NRXN3: variants seen among roughly 807,000 people sequenced by gnomAD.
NRXN3 encodes the protein neurexin 3, also known as neurexin III.
NRXN3 carries 32 observed loss-of-function variants against 137.6 expected under a neutral mutation model. That is an observed-to-expected ratio of 0.23 (90% CI 0.18 to 0.31). The LOEUF (loss-of-function observed/expected upper bound fraction) is 0.31, where lower values mean the gene tolerates loss of function less well. Ranked by LOEUF, NRXN3 falls within the 10% of genes least tolerant of loss-of-function variation. NRXN3 has a pLI of 1.00. For synonymous variants in NRXN3, 798 were observed against 784.5 expected, an observed-to-expected ratio of 1.02 and a Z score of -0.29; for missense variants, 1,574 against 2,062.5, an observed-to-expected ratio of 0.76 and a Z score of 4.59.
At chr14:78,548,163 A>C (rs1279456799) in intron 4 of NRXN3, among the ~76,000 whole-genome samples, 1 of 152,210 alleles carries the variant, frequency 6.6e-6, no homozygotes, top group Admixed American at 6.5e-5. Context: ...AGGTAAAACT[A>C]TCTCTTTTTG....
At chr14:78,828,170 G>A (rs181721545) in intron 10 of NRXN3, among the ~76,000 whole-genome samples, 1 of 152,026 alleles carries the variant, frequency 6.6e-6, no homozygotes, top group Non-Finnish European at 1.5e-5. Flanking sequence ...CAATATTATC[G>A]ATCCAAGTGC....
intron 16 of NRXN3, among the ~76,000 whole-genome samples, chr14:79,569,173 C>T (rs2097575217): frequency 6.6e-6 from 1 of 151,890 alleles, no homozygotes; most frequent in Non-Finnish European, 1.5e-5. Context: ...TCTTAAGTCT[C>T]ACCCTGTCTT....
At position 78,672,312 on chromosome 14, in the gene NRXN3, C is replaced by G. The variant is rs2097944397; in HGVS notation, c.1221+20986C>G. On this transcript the variant is annotated intron_variant, in intron 6 of 20. Transcript: ENST00000335750. ...ATGCAAGTGATGAAGAACCAAGGGA[C>G]AAGCAAAGGCATCAATATATTGTTT... Among the ~76,000 whole-genome samples, 5 of 152,306 alleles carry G rather than the reference C, an allele frequency of 3.3e-5. No individual in the cohort carries two copies. In the South Asian group the frequency reaches 1.0e-3, roughly 32 times the overall value.
At chr14:79,654,602 A>C (rs1447272054) in intron 16 of NRXN3, among the ~76,000 whole-genome samples, 1 of 152,184 alleles carries the variant, frequency 6.6e-6, no homozygotes, top group African/African-American at 2.4e-5. Context: ...TCTCTGCTCT[A>C]GGCCAATCTA....
At chr14:79,200,819 G>A (rs1176299943) in intron 15 of NRXN3, among the ~76,000 whole-genome samples, 1 of 126,496 alleles carries the variant, frequency 7.9e-6, no homozygotes, top group Non-Finnish European at 1.6e-5. Context: ...TTGCTCTCCT[G>A]TGAGCTGTAT....
chr14:78,967,364 G>A lies in NRXN3; in HGVS notation c.2934G>A (p.Gln978=), dbSNP rs145808489. Residue 978 remains glutamine (Q), a synonymous_variant, in exon 13 of 21, where the codon CAG becomes CAA. Transcript: ENST00000335750. ...SLKVDTKVVT[Q]VINGAKNLDL... The stretch of plus-strand genomic sequence containing the variant: ...AAGTGGACACCAAAGTGGTCACTCA[G>A]GTTATCAATGGTGCCAAAAATCTGG... The A allele has an allele frequency of 9.3e-6, 15 of 1,613,486 alleles. No homozygotes were observed. In the African/African-American group the frequency reaches 1.5e-4, roughly 16 times the overall value.
chr14:79,381,706 A>G (rs1292986116), intron 15 of NRXN3, among the ~76,000 whole-genome samples: 2 of 152,238 alleles, frequency 1.3e-5, no homozygotes, highest in Non-Finnish European at 2.9e-5. Flanking sequence ...CAACATCCAG[A>G]TAAACAAATA....
intron 6 of NRXN3, among the ~76,000 whole-genome samples, chr14:78,687,339 A>T (rs113497315): frequency 6.6e-6 from 1 of 152,200 alleles, no homozygotes; most frequent in Non-Finnish European, 1.5e-5. Flanking sequence ...TAGAAGAGAC[A>T]GAAGATACAT....
chr14:78,716,757 AC>A (rs1394512653), intron 8 of NRXN3, among the ~76,000 whole-genome samples: 2 of 152,208 alleles, frequency 1.3e-5, no homozygotes. Flanking sequence ...AGAACTACAA[AC>A]CCTTTTTACA....
At chr14:78,546,712 A>G (rs531980312) in intron 4 of NRXN3, among the ~76,000 whole-genome samples, 1 of 152,328 alleles carries the variant, frequency 6.6e-6, no homozygotes, top group East Asian at 1.9e-4. Context: ...GATGATAATG[A>G]TAATAACAAT....
intron 2 of NRXN3, among the ~76,000 whole-genome samples, chr14:78,251,464 A>G (rs1258962752): frequency 2.0e-5 from 3 of 152,210 alleles, no homozygotes; most frequent in African/African-American, 7.2e-5. Flanking sequence ...CCCAAATATC[A>G]TAAGCAACAG....
intron 16 of NRXN3, among the ~76,000 whole-genome samples, chr14:79,576,708 A>T (rs1392648266): frequency 6.6e-6 from 1 of 152,012 alleles, no homozygotes; most frequent in Non-Finnish European, 1.5e-5. Flanking sequence ...CCCTCTTCTG[A>T]TCCTATTTAT....
intron 16 of NRXN3, among the ~76,000 whole-genome samples, chr14:79,491,329 T>C (rs919845896): frequency 6.6e-6 from 1 of 152,188 alleles, no homozygotes; most frequent in East Asian, 1.9e-4. Flanking sequence ...TCAGCCTCCA[T>C]GTTTTTCTAT....
chr14:78,549,072 G>A (rs2096662710), intron 4 of NRXN3, among the ~76,000 whole-genome samples: 1 of 152,160 alleles, frequency 6.6e-6, no homozygotes, highest in African/African-American at 2.4e-5. Context: ...TGGAAATAGC[G>A]AGCGAAGATT....
Position 79,861,724 on chromosome 14 carries a change from G to A in NRXN3, c.4476G>A (p.Ser1492=), listed in dbSNP as rs766551508. Residue 1492 remains serine, a synonymous_variant, in exon 21 of 21, where the codon TCG becomes TCA. Coordinates refer to ENST00000335750, the MANE Select transcript of NRXN3 (RefSeq NM_001330195.2). The surrounding 1 kb of genome is among the most constrained non-coding windows in gnomAD (Gnocchi z 5.4). The part of the protein sequence containing the change: ...VPGASEVIRE[S]SSTTGMVVGI... ...GGGCCTCAGAGGTGATCCGGGAGTC[G>A]AGCAGCACAACAGGGATGGTCGTCG... is the stretch of plus-strand genomic sequence containing the variant. 1.9e-6 allele frequency: 3 copies of A among 1,614,054 alleles called. No homozygotes were observed. Among genetic ancestry groups the A allele is most frequent in the East Asian group, 2.2e-5 (1 of 44,838 alleles).
chr14:78,537,130 G>T (rs12890023), intron 4 of NRXN3, among the ~76,000 whole-genome samples: 34,822 of 152,028 alleles, frequency 0.23, 4,268 homozygotes, highest in Middle Eastern at 0.32. Context: ...CCAGTTATGG[G>T]ATTGCTGGGT....
At chr14:79,053,454 G>A (rs1218514726) in intron 15 of NRXN3, among the ~76,000 whole-genome samples, 2 of 152,174 alleles carry the variant, frequency 1.3e-5, no homozygotes, top group African/African-American at 4.8e-5. Context: ...ATACTATAAT[G>A]CATTGAATAA....
At chr14:79,081,564 G>A (rs1681086033) in intron 15 of NRXN3, among the ~76,000 whole-genome samples, 1 of 147,842 alleles carries the variant, frequency 6.8e-6, no homozygotes, top group Non-Finnish European at 1.5e-5. Context: ...GTTGCAGTGA[G>A]CCAAGATCGC....
At chr14:79,395,547 G>A (rs576584388) in intron 15 of NRXN3, among the ~76,000 whole-genome samples, 57 of 151,252 alleles carry the variant, frequency 3.8e-4, no homozygotes, top group East Asian at 1.8e-3. Flanking sequence ...GGTGGCTCAC[G>A]CCTGTAATCC....
Sources: gnomAD v4.1 joint callset for allele counts (sites outside exome capture counted in the v4.1 genomes callset) on GRCh38, gnomAD v4.1.1 for gene constraint, Gnocchi (gnomAD v3.1) non-coding constraint, MANE v1.5 for transcripts, NCBI Gene and HGNC (gene_info 2026-07-23, HGNC 2026-07-21) for gene names.